ZNF512: variants seen among roughly 807,000 people sequenced by gnomAD.
The protein encoded by ZNF512 is zinc finger protein 512.
A neutral mutation model predicts 77.5 loss-of-function variants in ZNF512; 25 were observed. That is an observed-to-expected ratio of 0.32 (90% CI 0.23 to 0.45). ZNF512 has a LOEUF of 0.45. Ranked by LOEUF, ZNF512 falls within the 20% of genes least tolerant of loss-of-function variation. The pLI is 1.00. For synonymous variants in ZNF512, 246 were observed against 239.9 expected, an observed-to-expected ratio of 1.03 and a Z score of -0.24; for missense variants, 483 against 692.6, an observed-to-expected ratio of 0.70 and a Z score of 3.40.
At chr2:27,614,703 A>G (rs938121737) in intron 10 of ZNF512, among the ~76,000 whole-genome samples, 2 of 151,600 alleles carry the variant, frequency 1.3e-5, no homozygotes, top group Admixed American at 6.6e-5. Context: ...AAATTCAACC[A>G]GAGAATACCA....
At position 27,616,151 on chromosome 2, in the gene ZNF512, A is replaced by G. The variant is rs72852155; in HGVS notation, c.1234-111A>G. ...CTTTTTTCGTTTGTTTTGTGGCACA[A>G]ATTATTGGTTTTCTTCCTTCAAATG... On this transcript the variant is annotated intron_variant, in intron 11 of 13. Transcript: ENST00000355467. The G allele has an allele frequency of 6.0e-4, 429 of 720,386 alleles. No individual in the cohort carries two copies. The African/African-American group carries it at 6.6e-3, about 11-fold the overall frequency. 44.6% of individuals were successfully genotyped at this position (720,386 alleles called of 1,614,324 possible).
At chr2:27,595,385 C>G (rs564534088) in intron 2 of ZNF512, among the ~76,000 whole-genome samples, 1 of 150,526 alleles carries the variant, frequency 6.6e-6, no homozygotes, top group African/African-American at 2.5e-5. Context: ...ACTGCAGCGG[C>G]GCGATCTCTG....
intron 9 of ZNF512, among the ~76,000 whole-genome samples, chr2:27,603,573 A>AGTGTGTGT (rs11273312): frequency 0.13 from 17,935 of 133,044 alleles, 1,504 homozygotes; most frequent in East Asian, 0.35. Flanking sequence ...ATTTTTATAT[A>AGTGTGTGT]GTGTGTGTGT....
intron 2 of ZNF512, among the ~76,000 whole-genome samples, chr2:27,590,799 G>A (rs901998432): frequency 4.6e-5 from 7 of 151,972 alleles, no homozygotes; most frequent in Admixed American, 1.3e-4. Flanking sequence ...ACAGAGGTGT[G>A]AGCCATCTAC....
At chr2:27,585,180 G>A (rs1348118386) in intron 2 of ZNF512, among the ~76,000 whole-genome samples, 2 of 152,196 alleles carry the variant, frequency 1.3e-5, no homozygotes, top group African/African-American at 4.8e-5. Flanking sequence ...GAATTTTGGA[G>A]TAATTCACAG....
intron 8 of ZNF512, among the ~76,000 whole-genome samples, 195 bp from the exon 9 acceptor site, chr2:27,602,945 A>C (rs775579937): frequency 2.6e-5 from 4 of 152,206 alleles, no homozygotes; most frequent in Non-Finnish European, 5.9e-5. Flanking sequence ...AAGCTGATTG[A>C]AAATCATGCT....
chr2:27,592,581 C>T (rs749982985), intron 2 of ZNF512, among the ~76,000 whole-genome samples: 1 of 150,220 alleles, frequency 6.7e-6, no homozygotes, highest in African/African-American at 2.4e-5. Flanking sequence ...TCCCAAAGTG[C>T]TGGGATTACA....
intron 7 of ZNF512, 54 bp from the exon 8 acceptor site, chr2:27,602,407 CCT>C (rs1672155597): frequency 1.2e-5 from 19 of 1,532,310 alleles, no homozygotes; most frequent in Non-Finnish European, 1.5e-5. Flanking sequence ...ATTTTTTTTC[CCT>C]GTGTCTTATC....
rs760010427 is a variant in ZNF512, at chr2:27,621,113, A to G, written c.1396-40A>G. The G allele has an allele frequency of 6.9e-6, 11 of 1,588,502 alleles. No individual in the cohort carries two copies. In the Admixed American group the frequency reaches 1.6e-4, roughly 23 times the overall value. On this transcript the variant is annotated intron_variant, in intron 13 of 13. Coordinates refer to ENST00000355467, the MANE Select transcript of ZNF512 (RefSeq NM_032434.4). ...TCCACCTTTCTTTATGTTCTTCACT[A>G]TATTTTCGACTGGATGACATTTCTA...
At chr2:27,607,783 A>C in intron 9 of ZNF512, 62 bp from the exon 10 acceptor site, 2 of 1,539,812 alleles carry the variant, frequency 1.3e-6, no homozygotes. Context: ...TCAGCCTTTA[A>C]TCACTGGCTG....
Position 27,602,455 on chromosome 2 carries a change from A to G in ZNF512, c.670-8A>G. On this transcript the variant is annotated splice_polypyrimidine_tract_variant and splice_region_variant and intron_variant, in intron 7 of 13. Transcript: ENST00000355467. The stretch of plus-strand genomic sequence containing the variant: ...ATCATCTTCTTGTTTACTTCTCTTG[A>G]TTTCTAGCCCATTTTGAAAGCCGGA... 6.2e-7 allele frequency: 1 copy of G among 1,609,678 alleles called. No homozygotes were observed. The highest frequency in any genetic ancestry group is 1.1e-5 in the South Asian group (1 of 90,320).
chr2:27,605,843 G>A (rs1250923578), intron 9 of ZNF512, among the ~76,000 whole-genome samples: 1 of 152,102 alleles, frequency 6.6e-6, no homozygotes, highest in African/African-American at 2.4e-5. Flanking sequence ...GAGATTTCTG[G>A]GTCATATGAT....
intron 12 of ZNF512, chr2:27,617,250 A>G: frequency 2.2e-6 from 1 of 444,996 alleles, no homozygotes; most frequent in Admixed American, 3.5e-5. Context: ...GGTTGTGTTG[A>G]AGTAGGGTGG....
At chr2:27,619,442 A>C (rs567129219) in intron 13 of ZNF512, among the ~76,000 whole-genome samples, 1 of 152,302 alleles carries the variant, frequency 6.6e-6, no homozygotes, top group East Asian at 1.9e-4. Context: ...TCTGGCCTTT[A>C]TATAGTTAAA....
chr2:27,583,168 G>A (rs1376305467), intron 1 of ZNF512, 26 bp downstream of exon 1: 1 of 1,614,058 alleles, frequency 6.2e-7, no homozygotes, highest in East Asian at 2.2e-5. Context: ...TGACCGTTAT[G>A]CTTTAGAGGT....
At chr2:27,609,889 C>G in intron 10 of ZNF512, among the ~76,000 whole-genome samples, 1 of 149,770 alleles carries the variant, frequency 6.7e-6, no homozygotes, top group African/African-American at 2.5e-5. Context: ...AAAAAATTAG[C>G]CAGGTGGGAC....
chr2:27,599,923 AT>A, intron 4 of ZNF512, 46 bp from the exon 5 acceptor site: 1 of 1,603,500 alleles, frequency 6.2e-7, no homozygotes, highest in Non-Finnish European at 8.5e-7. Context: ...AGATTTTGGT[AT>A]TAGCAAGGGT....
intron 13 of ZNF512, among the ~76,000 whole-genome samples, chr2:27,619,157 C>A (rs545017060): frequency 1.3e-5 from 2 of 152,152 alleles, no homozygotes; most frequent in Admixed American, 1.3e-4. Flanking sequence ...CGCCTGTAAT[C>A]CCAGCACTTT....
At chr2:27,602,762 T>C (rs771259929) in intron 8 of ZNF512, among the ~76,000 whole-genome samples, 1 of 152,236 alleles carries the variant, frequency 6.6e-6, no homozygotes, top group Non-Finnish European at 1.5e-5. Flanking sequence ...TTGATGGGGT[T>C]TCCTTACCAT....
Sources: allele counts gnomAD v4.1 joint callset (sites outside exome capture counted in the v4.1 genomes callset), GRCh38; gene constraint gnomAD v4.1.1; transcripts MANE v1.5; gene names NCBI Gene and HGNC (gene_info 2026-07-23, HGNC 2026-07-21).